The following ANKS1B variants were observed in gnomAD, a reference collection of about 807,000 sequenced individuals.
ANKS1B encodes ankyrin repeat and sterile alpha motif domain containing 1B.
Under a neutral mutation model 148.3 loss-of-function variants are expected in ANKS1B, and 36 were observed. That is an observed-to-expected ratio of 0.24 (90% CI 0.19 to 0.32). The LOEUF is 0.32. Among genes scored for constraint, ANKS1B ranks in the 10% least tolerant of loss-of-function variants. ANKS1B has a pLI of 1.00. For synonymous variants in ANKS1B, 542 were observed against 560.8 expected (o/e 0.97, Z 0.47); for missense variants, 1,157 against 1,542.6 (o/e 0.75, Z 4.19).
chr12:99,049,845 C>T (rs559309318), intron 17 of ANKS1B, among the ~76,000 whole-genome samples: 58 of 152,290 alleles, frequency 3.8e-4, no homozygotes, highest in Admixed American at 1.2e-3. Context: ...CAACCACTGA[C>T]GCTGAAGTTA....
At chr12:99,352,321 T>C (rs1326022556) in intron 12 of ANKS1B, among the ~76,000 whole-genome samples, 2 of 152,020 alleles carry the variant, frequency 1.3e-5, no homozygotes, top group African/African-American at 4.8e-5. Flanking sequence ...ATGTGTACGT[T>C]CTCATAATGC....
intron 12 of ANKS1B, among the ~76,000 whole-genome samples, chr12:99,278,849 T>C (rs536795390): frequency 6.6e-6 from 1 of 152,344 alleles, no homozygotes; most frequent in South Asian, 2.1e-4. Context: ...CTGTGGACAA[T>C]GTAATTGCAT....
At chr12:99,559,895 A>G (rs2097314866) in intron 9 of ANKS1B, among the ~76,000 whole-genome samples, 3 of 152,230 alleles carry the variant, frequency 2.0e-5, no homozygotes, top group Admixed American at 2.0e-4. Context: ...TAAGAAAAAA[A>G]TTTCCTCCTG....
At chr12:98,947,016 G>C (rs900688041) in intron 17 of ANKS1B, among the ~76,000 whole-genome samples, 1 of 151,056 alleles carries the variant, frequency 6.6e-6, no homozygotes, top group Non-Finnish European at 1.5e-5. Flanking sequence ...TGGATATTTG[G>C]AGAAGAGTTT....
intron 12 of ANKS1B, among the ~76,000 whole-genome samples, chr12:99,334,561 C>T (rs1288885168): frequency 6.6e-6 from 1 of 152,064 alleles, no homozygotes; most frequent in Non-Finnish European, 1.5e-5. Flanking sequence ...TTCAAGTTTG[C>T]ATGCCCAGTT....
At chr12:99,507,018 T>G (rs1456099373) in intron 9 of ANKS1B, among the ~76,000 whole-genome samples, 1 of 152,028 alleles carries the variant, frequency 6.6e-6, no homozygotes, top group Non-Finnish European at 1.5e-5. Context: ...GATGAGTTGA[T>G]GCTCAATAAA....
At chr12:99,445,459 C>T (rs1447689474) in intron 10 of ANKS1B, among the ~76,000 whole-genome samples, 1 of 151,894 alleles carries the variant, frequency 6.6e-6, no homozygotes, top group Non-Finnish European at 1.5e-5. Flanking sequence ...ATTTGTCCAA[C>T]TCATGGAATG....
chr12:99,202,297 C>T (rs1294118113), intron 14 of ANKS1B, among the ~76,000 whole-genome samples: 3 of 152,224 alleles, frequency 2.0e-5, no homozygotes, highest in African/African-American at 4.8e-5. Context: ...TGGTTGCCCG[C>T]AGCCCCCTTC....
intron 9 of ANKS1B, among the ~76,000 whole-genome samples, chr12:99,552,681 TCAGTATCCATGGGGG>T (rs1037994843): frequency 2.0e-5 from 3 of 152,178 alleles, no homozygotes; most frequent in African/African-American, 7.2e-5. Flanking sequence ...TGGCTGTCCC[TCAGTATCCATGGGGG>T]ATTGATTCCA....
intron 17 of ANKS1B, among the ~76,000 whole-genome samples, chr12:98,890,604 C>A (rs2099750557): frequency 6.6e-6 from 1 of 152,168 alleles, no homozygotes; most frequent in South Asian, 2.1e-4. Flanking sequence ...CGTTACACAA[C>A]ACAAAACATA....
chr12:99,538,774 C>T (rs7300831), intron 9 of ANKS1B, among the ~76,000 whole-genome samples: 51,129 of 151,842 alleles, frequency 0.34, 10,153 homozygotes, highest in African/African-American at 0.55. Context: ...TCCAGTACTA[C>T]GTTGAATAAT....
intron 9 of ANKS1B, among the ~76,000 whole-genome samples, chr12:99,532,899 G>A (rs1193706118): frequency 6.6e-6 from 1 of 152,094 alleles, no homozygotes; most frequent in Non-Finnish European, 1.5e-5. Context: ...TTTTATACCA[G>A]TACCATGTTA....
Position 99,607,705 on chromosome 12 carries a change from C to CA in ANKS1B, c.1272+47361dup, listed in dbSNP as rs1488948100. On this transcript the variant is annotated intron_variant, in intron 9 of 26. Transcript: ENST00000683438. ...TATGGAGAAGGCTTCTGAGACTTTT[C>CA]ATGGGACCAGTTTCTAAACATTTTT... Among the ~76,000 whole-genome samples, 3 of 152,092 alleles carry CA rather than the reference C, an allele frequency of 2.0e-5. No homozygotes were observed. In the East Asian group the frequency reaches 5.8e-4, roughly 29 times the overall value.
chr12:99,322,093 T>C (rs1198200212), intron 12 of ANKS1B, among the ~76,000 whole-genome samples: 1 of 152,038 alleles, frequency 6.6e-6, no homozygotes, highest in Non-Finnish European at 1.5e-5. Flanking sequence ...AATAGCTAAG[T>C]CATGGAACCA....
At chr12:99,736,574 A>G (rs1791956384) in intron 8 of ANKS1B, among the ~76,000 whole-genome samples, 1 of 152,096 alleles carries the variant, frequency 6.6e-6, no homozygotes, top group South Asian at 2.1e-4. Flanking sequence ...ACTACAAAAC[A>G]CTGATAAAAG....
chr12:99,941,984 T>C (rs1372588190), intron 1 of ANKS1B, among the ~76,000 whole-genome samples: 1 of 152,094 alleles, frequency 6.6e-6, no homozygotes, highest in Non-Finnish European at 1.5e-5. Flanking sequence ...CCTGAATTAG[T>C]TGCAAATTCA....
At chr12:99,698,341 T>C (rs2054246790) in intron 8 of ANKS1B, among the ~76,000 whole-genome samples, 1 of 152,126 alleles carries the variant, frequency 6.6e-6, no homozygotes, top group South Asian at 2.1e-4. Context: ...GAATTTCACT[T>C]GGTAAATTTG....
At chr12:99,352,589 T>G (rs946556491) in intron 12 of ANKS1B, among the ~76,000 whole-genome samples, 2 of 152,080 alleles carry the variant, frequency 1.3e-5, no homozygotes, top group Non-Finnish European at 2.9e-5. Flanking sequence ...TGCATATCTC[T>G]TGTAATCCGT....
At chr12:99,743,068 G>A (rs2060272813) in intron 8 of ANKS1B, among the ~76,000 whole-genome samples, 1 of 152,064 alleles carries the variant, frequency 6.6e-6, no homozygotes, top group Admixed American at 6.6e-5. Context: ...GCTTTCTCTA[G>A]TTTATAGCCT....
Sources: allele counts gnomAD v4.1 joint callset (sites outside exome capture counted in the v4.1 genomes callset), GRCh38; gene constraint gnomAD v4.1.1; transcripts MANE v1.5; gene names NCBI Gene and HGNC (gene_info 2026-07-23, HGNC 2026-07-21).